ANKFN1: variants seen among roughly 807,000 people sequenced by gnomAD.
ANKFN1 encodes the protein ankyrin repeat and fibronectin type III domain containing 1.
ANKFN1 carries 74 observed loss-of-function variants against 108.7 expected under a neutral mutation model. The observed-to-expected ratio is 0.68, with a 90% confidence interval of 0.56 to 0.83. The LOEUF (loss-of-function observed/expected upper bound fraction) is 0.83, where lower values mean the gene tolerates loss of function less well. Ranked by LOEUF, ANKFN1 falls within the 40% of genes least tolerant of loss-of-function variation. The pLI is 0.00. For synonymous variants in ANKFN1, 547 were observed against 516.2 expected, an observed-to-expected ratio of 1.06 and a Z score of -0.81; for missense variants, 1,505 against 1,382.3, an observed-to-expected ratio of 1.09 and a Z score of -1.41.
intron 3 of ANKFN1, among the ~76,000 whole-genome samples, chr17:56,243,418 G>A (rs1917730212): frequency 6.6e-6 from 1 of 152,122 alleles, no homozygotes; most frequent in Admixed American, 6.6e-5. Context: ...GTTTGGCTCA[G>A]TTGCTGCCTG....
intron 1 of ANKFN1, among the ~76,000 whole-genome samples, chr17:56,188,350 A>T (rs1432774604): frequency 6.6e-6 from 1 of 151,786 alleles, no homozygotes; most frequent in East Asian, 1.9e-4. Flanking sequence ...AAGGAAGAGG[A>T]ATCTCTCTTA....
intron 8 of ANKFN1, among the ~76,000 whole-genome samples, chr17:56,429,886 G>A (rs914081219): frequency 2.6e-5 from 4 of 152,166 alleles, no homozygotes; most frequent in African/African-American, 9.7e-5. Context: ...TTTGAAATAT[G>A]TTGTGCTGGT....
In ANKFN1 at chr17:56,426,855, C is replaced by T. The variant is rs371293792; in HGVS notation, c.911-13472C>T. Among the ~76,000 whole-genome samples, 9 of 152,348 alleles carry T rather than the reference C, an allele frequency of 5.9e-5. No homozygotes were observed. The East Asian group carries it at 1.2e-3, about 20-fold the overall frequency. ...TCTCAACATCAGCCAGTCTGATCAT[C>T]ACAAAAGCAGAAGCTGAGCCTGGGA... On this transcript the variant is annotated intron_variant, in intron 8 of 20. Transcript: ENST00000682825.
intron 8 of ANKFN1, among the ~76,000 whole-genome samples, chr17:56,387,988 A>G (rs1382476580): frequency 6.6e-6 from 1 of 152,032 alleles, no homozygotes; most frequent in East Asian, 1.9e-4. Context: ...ATTTGTACTG[A>G]AAAGCTTATA....
intron 8 of ANKFN1, among the ~76,000 whole-genome samples, chr17:56,379,052 C>A (rs951008402): frequency 6.6e-6 from 1 of 152,062 alleles, no homozygotes; most frequent in Non-Finnish European, 1.5e-5. Context: ...GTTAAATTTT[C>A]ATCATTTAAC....
At chr17:56,467,070 T>C (rs9904709) in intron 15 of ANKFN1, among the ~76,000 whole-genome samples, 101,780 of 151,980 alleles carry the variant, frequency 0.67, 34,482 homozygotes, top group East Asian at 0.87. Flanking sequence ...GAGCCAAGAT[T>C]GTGCGACTGC....
In ANKFN1 at chr17:56,457,282, T is replaced by G; in HGVS notation, c.1333T>G (p.Tyr445Asp). The G allele has an allele frequency of 6.3e-7, 1 of 1,596,108 alleles. No homozygotes were observed. Among genetic ancestry groups the G allele is most frequent in the Non-Finnish European group, 8.5e-7 (1 of 1,170,442 alleles). ...KRGLYIAVIF[Y>D]YKDNILVTNE... ...GGGACTCTACATAGCCGTTATATTT[T>G]ATTACAAAGACAATATCTTAGTCAC... The change falls in exon 13 of 21, where the codon TAT (tyrosine) becomes GAT (aspartate). Residue 445 changes from tyrosine to aspartate, a missense_variant. Physicochemically the swap from Tyr to Asp is radical, Grantham distance 160 (BLOSUM62 -3). Transcript: ENST00000682825.
intron 3 of ANKFN1, among the ~76,000 whole-genome samples, chr17:56,325,415 C>A (rs2045488711): frequency 6.6e-6 from 1 of 152,140 alleles, no homozygotes; most frequent in Non-Finnish European, 1.5e-5. Context: ...CCTACATATG[C>A]AGCTTTCTAG....
chr17:56,353,879 A>G lies in ANKFN1; in HGVS notation c.434A>G (p.Gln145Arg), dbSNP rs1469551181. Residue 145 changes from glutamine to arginine, a missense_variant, in exon 6 of 21, where the codon CAG becomes CGG. Physicochemically the swap from Gln to Arg is conservative, Grantham distance 43. Transcript: ENST00000682825. ...GCCATGTTTGAGGCAGTCGAACAGC[A>G]GGACATGGATGCTGTGCAGATCCTC... ...NEAMFEAVEQ[Q>R]DMDAVQILLY... The G allele has an allele frequency of 6.2e-7, 1 of 1,614,042 alleles. No homozygotes were observed. Among genetic ancestry groups the G allele is most frequent in the South Asian group, 1.1e-5 (1 of 91,088 alleles).
At chr17:56,049,210 T>C (rs1904731215) in intron 4 of ANKFN1, among the ~76,000 whole-genome samples, 1 of 152,218 alleles carries the variant, frequency 6.6e-6, no homozygotes, top group South Asian at 2.1e-4. Context: ...AACTCACTTA[T>C]AAATTGCTTC....
At chr17:56,402,104 G>A (rs1300865727) in intron 8 of ANKFN1, among the ~76,000 whole-genome samples, 1 of 152,046 alleles carries the variant, frequency 6.6e-6, no homozygotes, top group Non-Finnish European at 1.5e-5. Flanking sequence ...CTAGTATTTT[G>A]TTAAGGATTT....
At chr17:56,370,763 C>A (rs1454593961) in intron 6 of ANKFN1, among the ~76,000 whole-genome samples, 2 of 152,132 alleles carry the variant, frequency 1.3e-5, no homozygotes, top group African/African-American at 4.8e-5. Flanking sequence ...ACCTTCCCAG[C>A]AAGGCTATAA....
chr17:56,496,961 T>G (rs907217011), intron 19 of ANKFN1, among the ~76,000 whole-genome samples: 7 of 152,126 alleles, frequency 4.6e-5, no homozygotes, highest in Non-Finnish European at 8.8e-5. Flanking sequence ...GGTAGAGATC[T>G]AAAGAATTAG....
Position 56,516,018 on chromosome 17 carries a change from G to T in ANKFN1, c.*4749G>T, listed in dbSNP as rs2051905857. Among the ~76,000 whole-genome samples the T allele has an allele frequency of 6.6e-6, 1 of 152,036 alleles. No individual in the cohort carries two copies. Among genetic ancestry groups the T allele is most frequent in the Admixed American group, 6.6e-5 (1 of 15,262 alleles). On this transcript the variant is annotated 3_prime_UTR_variant, in exon 21 of 21. Transcript: ENST00000682825. ...GCCAATGTTTAACTTAGTGGCAAAGGTTACGAAGCTATTAGTTAAGGCTCT... is the reference window on the plus strand; with the variant it reads ...GCCAATGTTTAACTTAGTGGCAAAGTTTACGAAGCTATTAGTTAAGGCTCT...
intron 1 of ANKFN1, among the ~76,000 whole-genome samples, chr17:56,196,002 G>C (rs1186491750): frequency 6.6e-6 from 1 of 152,166 alleles, no homozygotes; most frequent in African/African-American, 2.4e-5. Flanking sequence ...TTCAAAATGT[G>C]AAGTTATGGG....
At chr17:56,299,235 T>A (rs1219098064) in intron 3 of ANKFN1, among the ~76,000 whole-genome samples, 1 of 152,168 alleles carries the variant, frequency 6.6e-6, no homozygotes, top group African/African-American at 2.4e-5. Flanking sequence ...AGTACAGAAG[T>A]GCATTTGCCT....
intron 8 of ANKFN1, among the ~76,000 whole-genome samples, chr17:56,399,582 A>C (rs942559937): frequency 6.6e-6 from 1 of 151,866 alleles, no homozygotes; most frequent in Admixed American, 6.6e-5. Context: ...CCATCACCCG[A>C]GCAGTATACA....
Position 56,281,940 on chromosome 17 carries a change from T to C in ANKFN1, c.54-44281T>C, listed in dbSNP as rs564705343. On this transcript the variant is annotated intron_variant, in intron 3 of 20. Coordinates refer to ENST00000682825, the MANE Select transcript of ANKFN1 (RefSeq NM_001370326.1). ...AACTATTTGGTAATTGATTATAAAA[T>C]TGAACATATCCCTACCTTAGGACCC... Among the ~76,000 whole-genome samples the C allele has an allele frequency of 6.6e-5, 10 of 152,282 alleles. No individual in the cohort carries two copies. In the South Asian group the frequency reaches 1.9e-3, roughly 28 times the overall value.
At chr17:56,301,606 T>G (rs1037400797) in intron 3 of ANKFN1, among the ~76,000 whole-genome samples, 1 of 151,978 alleles carries the variant, frequency 6.6e-6, no homozygotes, top group East Asian at 1.9e-4. Context: ...TCCTGGTGGC[T>G]TCTACACCTA....
Sources: allele counts gnomAD v4.1 joint callset (sites outside exome capture counted in the v4.1 genomes callset), GRCh38; gene constraint gnomAD v4.1.1; transcripts MANE v1.5; gene names NCBI Gene and HGNC (gene_info 2026-07-23, HGNC 2026-07-21).